Variants in SLC6A20 observed in about 807,000 individuals in gnomAD.
SLC6A20 encodes the protein solute carrier family 6 member 20, also known as sodium- and chloride-dependent transporter XTRP3.
Under a neutral mutation model 64.3 loss-of-function variants are expected in SLC6A20, and 73 were observed. The ratio of observed to expected loss-of-function variants is 1.14; its 90% CI spans 0.94 to 1.38. The LOEUF is 1.38. Among genes scored for constraint, SLC6A20 ranks in the 40% most tolerant of loss-of-function variants. The pLI, the probability that SLC6A20 is intolerant of heterozygous loss-of-function variation, is 0.00. For missense variants in SLC6A20, 725 were observed against 772.8 expected (o/e 0.94, Z 0.73); for synonymous variants, 347 against 329.6 (o/e 1.05, Z -0.57).
chr3:45,764,892 G>A (rs950598152), intron 8 of SLC6A20, among the ~76,000 whole-genome samples: 9 of 151,924 alleles, frequency 5.9e-5, no homozygotes, highest in Admixed American at 6.6e-5. Flanking sequence ...CACTGAGTTT[G>A]TACTTAAGAA....
At position 45,775,985 on chromosome 3, in the gene SLC6A20, G is replaced by C; in HGVS notation, c.358C>G (p.Pro120Ala). The C allele has an allele frequency of 1.9e-6, 3 of 1,614,082 alleles. No individual in the cohort carries two copies. The South Asian group carries it at 3.3e-5, about 18-fold the overall frequency. The stretch of plus-strand genomic sequence containing the variant: ...AGTGGGCAGACAGACCACGGCAGGG[G>C]ATCCTGTGGGACCAAAGCAAGTGTT... Reference protein sequence around the residue: ...FWYLFHSFQDPLPWSVCPLNG... With the variant: ...FWYLFHSFQDALPWSVCPLNG... The change falls in exon 4 of 11, where the codon CCC (proline) becomes GCC (alanine). Residue 120 changes from proline to alanine, a missense_variant. Pro to Ala is a conservative substitution (Grantham distance 27). Coordinates refer to ENST00000358525, the MANE Select transcript of SLC6A20 (RefSeq NM_020208.4).
intron 1 of SLC6A20, among the ~76,000 whole-genome samples, chr3:45,784,450 T>C (rs1700142017): frequency 6.6e-6 from 1 of 152,182 alleles, no homozygotes; most frequent in African/African-American, 2.4e-5. Flanking sequence ...GAGGCAAAGA[T>C]TTCTTAAATA....
chr3:45,796,430 T>A lies in SLC6A20; in HGVS notation c.-11A>T, dbSNP rs1463479625. 2 of 1,604,656 alleles carry A rather than the reference T, an allele frequency of 1.2e-6. No individual in the cohort carries two copies. Among genetic ancestry groups the A allele is most frequent in the Admixed American group, 3.4e-5 (2 of 59,482 alleles). On this transcript the variant is annotated 5_prime_UTR_variant, in exon 1 of 11. Coordinates refer to ENST00000358525, the MANE Select transcript of SLC6A20 (RefSeq NM_020208.4). Reference sequence around the variant, plus strand: ...CCGCGCTTTCTCCATGGCCCCGGCCTCGGCGCGCTCGGCTCCGGCTCGGGG... The same window carrying A: ...CCGCGCTTTCTCCATGGCCCCGGCCACGGCGCGCTCGGCTCCGGCTCGGGG...
intron 7 of SLC6A20, among the ~76,000 whole-genome samples, chr3:45,767,334 CAT>C (rs1266855755): frequency 6.6e-6 from 1 of 151,942 alleles, no homozygotes; most frequent in African/African-American, 2.4e-5. Context: ...CAAAAATAAA[CAT>C]GTATCAATAA....
At chr3:45,779,465 C>T (rs1575433069) in intron 3 of SLC6A20, among the ~76,000 whole-genome samples, 1 of 152,174 alleles carries the variant, frequency 6.6e-6, no homozygotes, top group Non-Finnish European at 1.5e-5. Context: ...TTAGGAATGG[C>T]CCTATTGTGT....
At chr3:45,763,698 A>G (rs1699724574) in intron 8 of SLC6A20, among the ~76,000 whole-genome samples, 1 of 152,110 alleles carries the variant, frequency 6.6e-6, no homozygotes, top group Non-Finnish European at 1.5e-5. Context: ...CCGACATCCC[A>G]TAGCACATCC....
intron 4 of SLC6A20, among the ~76,000 whole-genome samples, chr3:45,773,179 C>T (rs944263896): frequency 1.3e-5 from 2 of 152,142 alleles, no homozygotes. Flanking sequence ...TTCCCCAGGA[C>T]TGGGGCCTGA....
rs114877925 is a variant in SLC6A20 at position 45,770,657 on chromosome 3, A to G, written c.936-286T>C. ...AAATGCTCTCTATCTGGGCTGTCCA[A>G]TTTGGTACTCACTGGCCACATATGG... On this transcript the variant is annotated intron_variant, in intron 6 of 10. Coordinates refer to ENST00000358525, the MANE Select transcript of SLC6A20 (RefSeq NM_020208.4). 4.7e-3 allele frequency among the ~76,000 whole-genome samples: 709 copies of G among 152,342 alleles called. 5 individuals carry two copies. The highest frequency in any genetic ancestry group is 0.016 in the African/African-American group (673 of 41,574).
At position 45,772,555 on chromosome 3, in the gene SLC6A20, G is replaced by C; in HGVS notation, c.643C>G (p.Leu215Val). The C allele has an allele frequency of 6.2e-7, 1 of 1,614,002 alleles. No homozygotes were observed. The highest frequency in any genetic ancestry group is 8.5e-7 in the Non-Finnish European group (1 of 1,179,960). ...CCATTGGTGGCTCCGTGGAGCGTGA[G>C]GCCCCTGATGAGGTAGATGATGAGC... Reference protein sequence around the residue: ...CVLIIYLIRGLTLHGATNGLM... With the variant: ...CVLIIYLIRGVTLHGATNGLM... Residue 215 changes from leucine (L) to valine (V), a missense_variant, in exon 5 of 11, where the codon CTC (leucine) becomes GTC (valine). Transcript: ENST00000358525.
Position 45,771,475 on chromosome 3 carries a change from G to A in SLC6A20, c.694-17C>T, listed in dbSNP as rs1268844518. On this transcript the variant is annotated splice_polypyrimidine_tract_variant and intron_variant, in intron 5 of 10. Coordinates refer to ENST00000358525, the MANE Select transcript of SLC6A20 (RefSeq NM_020208.4). ...CTGCTCTATCTGGAAGGCCAGCAGGGACAGGGCTGATGATCCCTGGGTGGA... is the reference window on the plus strand; with the variant it reads ...CTGCTCTATCTGGAAGGCCAGCAGGAACAGGGCTGATGATCCCTGGGTGGA... 6.2e-7 allele frequency: 1 copy of A among 1,613,658 alleles called. No homozygotes were observed. The highest frequency in any genetic ancestry group is 1.1e-5 in the South Asian group (1 of 91,064).
At chr3:45,796,187 C>T (rs1700342356) in intron 1 of SLC6A20, 112 bp downstream of exon 1, 3 of 1,492,400 alleles carry the variant, frequency 2.0e-6, no homozygotes, top group East Asian at 5.2e-5. Context: ...AAATCACGCT[C>T]GCTTTCCCGG....
chr3:45,761,232 C>CG (rs1559561237), intron 9 of SLC6A20, among the ~76,000 whole-genome samples: 2 of 151,802 alleles, frequency 1.3e-5, no homozygotes, highest in East Asian at 1.9e-4. Flanking sequence ...AACCCCCCCC[C>CG]CTTTCCTGGA....
chr3:45,788,834 C>G (rs1700206984), intron 1 of SLC6A20, among the ~76,000 whole-genome samples: 1 of 152,156 alleles, frequency 6.6e-6, no homozygotes, highest in Non-Finnish European at 1.5e-5. Context: ...TGCTCATGAA[C>G]TGCATCCAAC....
intron 9 of SLC6A20, among the ~76,000 whole-genome samples, chr3:45,762,155 G>A (rs971491516): frequency 2.0e-5 from 3 of 152,228 alleles, no homozygotes; most frequent in African/African-American, 7.2e-5. Context: ...GGGTGGGCCC[G>A]AGCTTCTGCA....
At chr3:45,762,761 G>T in intron 9 of SLC6A20, 152 bp downstream of exon 9, 2 of 965,622 alleles carry the variant, frequency 2.1e-6, no homozygotes, top group Non-Finnish European at 3.1e-6. Context: ...AGCATAAGCT[G>T]AGATCTGCGG....
rs1463464772 is a variant in SLC6A20, at chr3:45,757,577, T to G, written c.*1401A>C. On this transcript the variant is annotated 3_prime_UTR_variant, in exon 11 of 11. Transcript: ENST00000358525. The stretch of plus-strand genomic sequence containing the variant: ...ACTTTGATTCATTACAGCGCATGTT[T>G]CTGTGAGCACAGAGTTGGGGCTAAA... The G allele has an allele frequency of 6.5e-6, 1 of 153,086 alleles. No individual in the cohort carries two copies. The highest frequency in any genetic ancestry group is 6.5e-5 in the Admixed American group (1 of 15,304). The allele number at this position is 153,086 out of a possible 1,614,324, so 9.5% of individuals were successfully genotyped here.
In SLC6A20 at chr3:45,782,600, C is replaced by A. The variant is rs1700113135; in HGVS notation, c.122-377G>T. Among the ~76,000 whole-genome samples the A allele has an allele frequency of 3.3e-5, 5 of 151,408 alleles. 1 individual carries two copies. In the South Asian group the frequency reaches 1.1e-3, roughly 32 times the overall value. On this transcript the variant is annotated intron_variant, in intron 1 of 10. Transcript: ENST00000358525. ...CCATCTATATTTCCAACCTTCCATT[C>A]ATCCATCCGTATTTCCATATTTCCA...
At chr3:45,761,406 G>A (rs1699679835) in intron 9 of SLC6A20, among the ~76,000 whole-genome samples, 1 of 152,140 alleles carries the variant, frequency 6.6e-6, no homozygotes, top group African/African-American at 2.4e-5. Context: ...TTCTGCCTCT[G>A]TCTCCCTTCA....
intron 2 of SLC6A20, among the ~76,000 whole-genome samples, chr3:45,780,435 A>G (rs1700060802): frequency 6.6e-6 from 1 of 152,226 alleles, no homozygotes. Context: ...AGAAGAGAAA[A>G]CTGAGGCCTG....
Sources: allele counts gnomAD v4.1 joint callset (sites outside exome capture counted in the v4.1 genomes callset), GRCh38; gene constraint gnomAD v4.1.1; transcripts MANE v1.5; gene names NCBI Gene and HGNC (gene_info 2026-07-23, HGNC 2026-07-21).